GABRA2: variants seen among roughly 807,000 people sequenced by gnomAD.
GABRA2 encodes the protein gamma-aminobutyric acid type A receptor subunit alpha2.
GABRA2 carries 16 observed loss-of-function variants against 48.7 expected under a neutral mutation model. The ratio of observed to expected loss-of-function variants is 0.33; its 90% CI spans 0.22 to 0.50. GABRA2 has a LOEUF of 0.50. GABRA2 is among the 20% of genes least tolerant of loss of function. The pLI, the probability that GABRA2 is intolerant of heterozygous loss-of-function variation, is 0.98. For missense variants in GABRA2, 275 were observed against 535.6 expected, an observed-to-expected ratio of 0.51 and a Z score of 4.80; for synonymous variants, 185 against 184.5, an observed-to-expected ratio of 1.00 and a Z score of -0.02.
At chr4:46,335,504 G>A (rs1423527928) in intron 3 of GABRA2, among the ~76,000 whole-genome samples, 6 of 152,036 alleles carry the variant, frequency 3.9e-5, no homozygotes, top group Middle Eastern at 3.4e-3. Context: ...ATGGAATTTC[G>A]CTCTTATTGC....
intron 3 of GABRA2, among the ~76,000 whole-genome samples, chr4:46,378,934 T>C (rs915939552): frequency 2.6e-5 from 4 of 152,176 alleles, no homozygotes; most frequent in African/African-American, 9.7e-5. Context: ...TTCTATCTAA[T>C]ATAATACATA....
chr4:46,327,949 T>C lies in GABRA2; in HGVS notation c.255+4666A>G, dbSNP rs150410564. Among the ~76,000 whole-genome samples the C allele has an allele frequency of 7.2e-5, 11 of 152,074 alleles. No individual in the cohort carries two copies. In the South Asian group the frequency reaches 2.3e-3, roughly 32 times the overall value. On this transcript the variant is annotated intron_variant, in intron 4 of 9. Transcript: ENST00000381620. ...CTCAGTCTAGGTTTAGGTTAAATAA[T>C]TGGTAGTTATAATACCTATACCTTA...
At chr4:46,369,448 TA>T (rs1309377688) in intron 3 of GABRA2, among the ~76,000 whole-genome samples, 1 of 152,090 alleles carries the variant, frequency 6.6e-6, no homozygotes, top group African/African-American at 2.4e-5. Context: ...AGAAACTGAA[TA>T]GGAGTAAAGA....
intron 8 of GABRA2, among the ~76,000 whole-genome samples, chr4:46,278,266 G>T (rs1253066983): frequency 2.0e-5 from 3 of 152,108 alleles, no homozygotes; most frequent in Non-Finnish European, 4.4e-5. Context: ...AAAGGTATAT[G>T]TTGACTTTAA....
At position 46,378,664 on chromosome 4, in the gene GABRA2, A is replaced by C. The variant is rs527273683; in HGVS notation, c.187+7410T>G. On this transcript the variant is annotated intron_variant, in intron 3 of 9. Transcript: ENST00000381620. ...ACCCAAGAATGATCAATTAAAAAAA[A>C]AAAAATTTAAAAATTAGCTGGGTGT... is the stretch of plus-strand genomic sequence containing the variant. Among the ~76,000 whole-genome samples the C allele has an allele frequency of 2.0e-3, 302 of 152,120 alleles. 1 individual carries two copies. Among genetic ancestry groups the C allele is most frequent in the Middle Eastern group, 6.8e-3 (2 of 294 alleles).
chr4:46,330,612 G>A (rs1731194473), intron 4 of GABRA2, among the ~76,000 whole-genome samples: 1 of 105,078 alleles, frequency 9.5e-6, no homozygotes, highest in African/African-American at 3.1e-5. Flanking sequence ...AGAGAGAGAT[G>A]TTTTAGGTAA....
chr4:46,296,924 C>T (rs1184691708), intron 8 of GABRA2, among the ~76,000 whole-genome samples: 1 of 152,104 alleles, frequency 6.6e-6, no homozygotes, highest in Non-Finnish European at 1.5e-5. Flanking sequence ...ATATTGTTAA[C>T]TTGATGTATT....
At chr4:46,336,850 A>G (rs1275862828) in intron 3 of GABRA2, among the ~76,000 whole-genome samples, 2 of 152,144 alleles carry the variant, frequency 1.3e-5, no homozygotes, top group Non-Finnish European at 2.9e-5. Context: ...CTCTTCTGTT[A>G]CTTCTCTGAT....
At chr4:46,331,406 G>A (rs1033242605) in intron 4 of GABRA2, among the ~76,000 whole-genome samples, 1 of 152,066 alleles carries the variant, frequency 6.6e-6, no homozygotes, top group Non-Finnish European at 1.5e-5. Flanking sequence ...GTGGAATTTA[G>A]GTTCTCTAAC....
intron 7 of GABRA2, among the ~76,000 whole-genome samples, chr4:46,305,280 G>C (rs1307226905): frequency 9.3e-6 from 1 of 108,096 alleles, no homozygotes; most frequent in South Asian, 4.0e-4. Flanking sequence ...GGGGGAGGGG[G>C]GAGGGATAGC....
At chr4:46,272,359 C>G (rs1387528261) in intron 8 of GABRA2, among the ~76,000 whole-genome samples, 2 of 151,890 alleles carry the variant, frequency 1.3e-5, no homozygotes, top group African/African-American at 4.8e-5. Flanking sequence ...TTTATTGAAA[C>G]CACCCCACCA....
In GABRA2 at chr4:46,249,060, G is replaced by GTGTGTGTGTA. The variant is rs1220377878; in HGVS notation, c.*1247_*1248insTACACACACA. 2.6e-5 allele frequency: 4 copies of GTGTGTGTGTA among 150,946 alleles called. No homozygotes were observed. The highest frequency in any genetic ancestry group is 9.7e-5 in the African/African-American group (4 of 41,142). 9.4% of individuals were successfully genotyped at this position (150,946 alleles called of 1,614,324 possible). ...TGTGTGTGTGTGTGTGTGTGTGTGT[G>GTGTGTGTGTA]TATGTTTGTGCACGTGAAATAATCC... On this transcript the variant is annotated 3_prime_UTR_variant, in exon 10 of 10. Transcript: ENST00000381620.
intron 3 of GABRA2, among the ~76,000 whole-genome samples, chr4:46,347,041 G>A (rs1319457939): frequency 6.6e-6 from 1 of 151,724 alleles, no homozygotes; most frequent in African/African-American, 2.4e-5. Flanking sequence ...ATTTAACCAA[G>A]GAGCTAAAAG....
At position 46,317,553 on chromosome 4, in the gene GABRA2, G is replaced by C. The variant is rs189645884; in HGVS notation, c.256-4837C>G. On this transcript the variant is annotated intron_variant, in intron 4 of 9. Coordinates refer to ENST00000381620, the MANE Select transcript of GABRA2 (RefSeq NM_000807.4). ...GGTAGTGAATGCATTTGTCATCAGT[G>C]TACCGTGATTGTGCCTAGTTAGGTG... Among the ~76,000 whole-genome samples, 3 of 151,848 alleles carry C rather than the reference G, an allele frequency of 2.0e-5. No individual in the cohort carries two copies. The East Asian group carries it at 5.8e-4, about 29-fold the overall frequency.
At chr4:46,341,685 A>G (rs1733270970) in intron 3 of GABRA2, among the ~76,000 whole-genome samples, 1 of 152,082 alleles carries the variant, frequency 6.6e-6, no homozygotes, top group Admixed American at 6.6e-5. Flanking sequence ...TGCTTTTGCA[A>G]AATCTGAAGG....
rs993971585 is a variant in GABRA2, at chr4:46,247,216, T to C, written c.*3092A>G. The stretch of plus-strand genomic sequence containing the variant: ...TAAAATCATTAAAATTTAAAAAATA[T>C]ATATTAAATGGTTATATTTCTTCCA... On this transcript the variant is annotated 3_prime_UTR_variant, in exon 10 of 10. Transcript: ENST00000381620. Among the ~76,000 whole-genome samples, 1 of 151,086 alleles carries C rather than the reference T, an allele frequency of 6.6e-6. No homozygotes were observed. The highest frequency in any genetic ancestry group is 1.5e-5 in the Non-Finnish European group (1 of 67,458).
chr4:46,282,591 A>G (rs1721745768), intron 8 of GABRA2, among the ~76,000 whole-genome samples: 1 of 152,196 alleles, frequency 6.6e-6, no homozygotes, highest in Non-Finnish European at 1.5e-5. Flanking sequence ...AACACTAATG[A>G]TATGATGTCA....
chr4:46,275,853 T>G (rs1720390601), intron 8 of GABRA2, among the ~76,000 whole-genome samples: 1 of 152,266 alleles, frequency 6.6e-6, no homozygotes, highest in East Asian at 1.9e-4. Flanking sequence ...AACTGGAAAT[T>G]ATTTTCTTGA....
chr4:46,337,070 T>G (rs746067916), intron 3 of GABRA2, among the ~76,000 whole-genome samples: 8 of 152,070 alleles, frequency 5.3e-5, no homozygotes, highest in Non-Finnish European at 8.8e-5. Context: ...TACGATTCAC[T>G]TAAAATAGAT....
Sources: gnomAD v4.1 joint callset for allele counts (sites outside exome capture counted in the v4.1 genomes callset) on GRCh38, gnomAD v4.1.1 for gene constraint, MANE v1.5 for transcripts, NCBI Gene and HGNC (gene_info 2026-07-23, HGNC 2026-07-21) for gene names.